TBC1D31: variants seen among roughly 807,000 people sequenced by gnomAD.
TBC1D31 encodes the protein WD repeat domain 67.
Under a neutral mutation model 132.9 loss-of-function variants are expected in TBC1D31, and 99 were observed. The ratio of observed to expected loss-of-function variants is 0.74; its 90% confidence interval spans 0.63 to 0.88. The LOEUF is 0.88. TBC1D31 is among the 40% of genes least tolerant of loss of function. The pLI is 0.00. For synonymous variants in TBC1D31, 385 were observed against 419.4 expected (o/e 0.92, Z 1.00); for missense variants, 1,134 against 1,256.6 (o/e 0.90, Z 1.48).
At chr8:123,140,650 T>A in intron 17 of TBC1D31, 111 bp from the exon 18 acceptor site, 4 of 876,610 alleles carry the variant, frequency 4.6e-6, no homozygotes, top group Non-Finnish European at 6.8e-6. Context: ...ACTTTGAAAA[T>A]TAGATGATTA....
chr8:123,094,212 G>A lies in TBC1D31; in HGVS notation c.671+470G>A, dbSNP rs180774916. Among the ~76,000 whole-genome samples, 19 of 151,226 alleles carry A rather than the reference G, an allele frequency of 1.3e-4. No homozygotes were observed. The South Asian group carries it at 1.7e-3, about 13-fold the overall frequency. ...CCCGAGTAGCTGGGATTATAGGCAC[G>A]TGCCACCATACTGGCTAATTTTTGT... is the stretch of plus-strand genomic sequence containing the variant. On this transcript the variant is annotated intron_variant, in intron 5 of 21. Transcript: ENST00000287380.
intron 10 of TBC1D31, among the ~76,000 whole-genome samples, chr8:123,111,944 C>T (rs1465829550): frequency 2.0e-5 from 3 of 152,172 alleles, no homozygotes; most frequent in Non-Finnish European, 2.9e-5. Context: ...ACCTCGAACT[C>T]CTGGGCTCAA....
chr8:123,090,055 T>C (rs1816182992), intron 4 of TBC1D31, among the ~76,000 whole-genome samples: 1 of 152,244 alleles, frequency 6.6e-6, no homozygotes, highest in African/African-American at 2.4e-5. Context: ...CCTACCAGTC[T>C]AACCTCTTTC....
chr8:123,118,451 G>A (rs1359581585), intron 10 of TBC1D31, among the ~76,000 whole-genome samples: 2 of 152,054 alleles, frequency 1.3e-5, no homozygotes, highest in African/African-American at 4.8e-5. Context: ...AAGTACATGT[G>A]GGAGAATTAT....
At chr8:123,073,488 G>A (rs997404342) in intron 1 of TBC1D31, 3 of 439,380 alleles carry the variant, frequency 6.8e-6, no homozygotes, top group Non-Finnish European at 1.4e-5. Flanking sequence ...AGTACGGCCA[G>A]CGCTGCTTTT....
intron 4 of TBC1D31, among the ~76,000 whole-genome samples, chr8:123,086,017 G>C (rs1815704199): frequency 6.6e-6 from 1 of 152,192 alleles, no homozygotes; most frequent in Non-Finnish European, 1.5e-5. Flanking sequence ...ACCAGGGCTG[G>C]TGAGAAAATG....
the TBC1D31 span, among the ~76,000 whole-genome samples, chr8:123,158,421 C>A: frequency 3.9e-5 from 6 of 152,052 alleles, no homozygotes; most frequent in Non-Finnish European, 8.8e-5. Flanking sequence ...CAAGGCCAGG[C>A]GTGGGGACCC....
chr8:123,130,356 C>T, intron 16 of TBC1D31, 23 bp downstream of exon 16: 3 of 1,593,796 alleles, frequency 1.9e-6, no homozygotes, highest in Middle Eastern at 1.7e-4. Context: ...TAACTTAGTT[C>T]TCATACATCA....
rs151228580 is a variant in TBC1D31 at position 123,084,378 on chromosome 8, C to T, written c.519+38C>T. ...GTACATCTTGGTCTGTTGTGCTTCT[C>T]GGGCTAATTTCTTGGTCAACAGGAT... On this transcript the variant is annotated intron_variant, in intron 4 of 21. Transcript: ENST00000287380. 2.6e-3 allele frequency: 4,110 copies of T among 1,587,864 alleles called. 12 individuals carry two copies. The highest frequency in any genetic ancestry group is 2.5e-3 in the Non-Finnish European group (2,876 of 1,161,042).
In TBC1D31 at chr8:123,139,121, T is replaced by G. The variant is rs1241472923; in HGVS notation, c.2500-1640T>G. On this transcript the variant is annotated intron_variant, in intron 17 of 21. Transcript: ENST00000287380. The stretch of plus-strand genomic sequence containing the variant: ...CTATGCCTGGCACATATTTCTTGTT[T>G]TTTTTTTTTTTCAAACAGTCATGTG... Among the ~76,000 whole-genome samples the G allele has an allele frequency of 1.4e-4, 22 of 151,772 alleles. 1 individual carries two copies. Among genetic ancestry groups the G allele is most frequent in the African/African-American group, 4.8e-4 (20 of 41,326 alleles).
rs1269671735 is a variant in TBC1D31, at chr8:123,133,389, C to T, written c.2407-725C>T. ...AATAACCTCTTTAAATTGAACTGGT[C>T]CTGGTCCATGTTTCTCTTTTAGTCT... is the stretch of plus-strand genomic sequence containing the variant. On this transcript the variant is annotated intron_variant, in intron 16 of 21. Coordinates refer to ENST00000287380, the MANE Select transcript of TBC1D31 (RefSeq NM_145647.4). Among the ~76,000 whole-genome samples the T allele has an allele frequency of 3.3e-5, 5 of 152,194 alleles. No individual in the cohort carries two copies. In the East Asian group the frequency reaches 9.6e-4, roughly 29 times the overall value.
intron 14 of TBC1D31, 118 bp downstream of exon 14, chr8:123,128,631 C>T (rs1006403136): frequency 9.4e-6 from 7 of 744,338 alleles, no homozygotes; most frequent in Admixed American, 2.8e-5. Context: ...AGTCCCAGCA[C>T]TTTGGGAGGC....
chr8:123,081,033 C>A (rs1270614096), intron 2 of TBC1D31, among the ~76,000 whole-genome samples: 2 of 152,132 alleles, frequency 1.3e-5, no homozygotes, highest in African/African-American at 4.8e-5. Context: ...TAAAAATCTT[C>A]CTAATTGTTC....
At chr8:123,145,620 G>A (rs1209852261) in intron 20 of TBC1D31, among the ~76,000 whole-genome samples, 1 of 151,370 alleles carries the variant, frequency 6.6e-6, no homozygotes, top group South Asian at 2.1e-4. Context: ...GAGCCCAGGA[G>A]TTTGAGGCTG....
chr8:123,079,860 C>T (rs1814954747), intron 2 of TBC1D31, among the ~76,000 whole-genome samples: 1 of 108,792 alleles, frequency 9.2e-6, no homozygotes, highest in Non-Finnish European at 2.3e-5. Flanking sequence ...TAAAGTTCAG[C>T]CCTCATTACC....
chr8:123,094,561 C>G lies in TBC1D31; in HGVS notation c.671+819C>G, dbSNP rs533660907. Among the ~76,000 whole-genome samples, 5 of 149,052 alleles carry G rather than the reference C, an allele frequency of 3.4e-5. No individual in the cohort carries two copies. In the East Asian group the frequency reaches 1.0e-3, roughly 30 times the overall value. On this transcript the variant is annotated intron_variant, in intron 5 of 21. Coordinates refer to ENST00000287380, the MANE Select transcript of TBC1D31 (RefSeq NM_145647.4). ...TTTATTTATTTATTTATTTTTGAGA[C>G]GAAGTCTCATTCTTGTCCCCCAGGC...
intron 8 of TBC1D31, among the ~76,000 whole-genome samples, chr8:123,106,162 A>G (rs190564907): frequency 6.6e-6 from 1 of 152,284 alleles, no homozygotes; most frequent in East Asian, 1.9e-4. Flanking sequence ...GGTTTTGTTT[A>G]CATGTAATCA....
At chr8:123,148,778 G>A (rs1338096140) in intron 20 of TBC1D31, among the ~76,000 whole-genome samples, 3 of 152,148 alleles carry the variant, frequency 2.0e-5, no homozygotes, top group Non-Finnish European at 4.4e-5. Flanking sequence ...AGCACTTTGG[G>A]AGGCCAAATC....
At chr8:123,152,728 G>A (rs889234378), downstream of TBC1D31, among the ~76,000 whole-genome samples, 4 of 152,100 alleles carry the variant, frequency 2.6e-5, no homozygotes, top group South Asian at 2.1e-4. Context: ...AAAATTAGCC[G>A]AGTGTGGTGG....
Sources: gnomAD v4.1 joint callset for allele counts (sites outside exome capture counted in the v4.1 genomes callset) on GRCh38, gnomAD v4.1.1 for gene constraint, MANE v1.5 for transcripts, NCBI Gene and HGNC (gene_info 2026-07-23, HGNC 2026-07-21) for gene names.